Variants in TAFA5 observed in about 807,000 individuals in gnomAD.
The protein encoded by TAFA5 is chemokine-like protein TAFA-5.
Under a neutral mutation model 15.3 loss-of-function variants are expected in TAFA5, and 6 were observed. The ratio of observed to expected loss-of-function variants is 0.39; its 90% CI spans 0.21 to 0.77. The LOEUF is 0.77. TAFA5 is among the 30% of genes least tolerant of loss of function. The pLI is 0.41. For missense variants in TAFA5, 161 were observed against 193.1 expected, an observed-to-expected ratio of 0.83 and a Z score of 0.98; for synonymous variants, 103 against 80.7, an observed-to-expected ratio of 1.28 and a Z score of -1.48.
intron 1 of TAFA5, among the ~76,000 whole-genome samples, chr22:48,589,712 C>T (rs752031243): frequency 3.3e-5 from 5 of 151,476 alleles, no homozygotes; most frequent in African/African-American, 7.3e-5. Flanking sequence ...GAGGGGGCCT[C>T]GTGAAGATAG....
chr22:48,539,456 G>C (rs778000960), intron 1 of TAFA5: 1 of 471,200 alleles, frequency 2.1e-6, no homozygotes, highest in South Asian at 1.5e-5. Context: ...CATCTGTTCT[G>C]AAACAAAGAC....
chr22:48,595,375 A>G (rs886576371), intron 1 of TAFA5, among the ~76,000 whole-genome samples: 13 of 152,218 alleles, frequency 8.5e-5, no homozygotes, highest in Non-Finnish European at 1.6e-4. Context: ...CAAGGCTCCA[A>G]CAGGTGTTAG....
intron 1 of TAFA5, among the ~76,000 whole-genome samples, chr22:48,578,015 G>A (rs73425935): frequency 1.3e-5 from 2 of 152,356 alleles, no homozygotes; most frequent in South Asian, 2.1e-4. Context: ...CTGGTGTCGC[G>A]TGTCAGGACT....
chr22:48,687,707 C>T (rs1362270159), intron 2 of TAFA5, among the ~76,000 whole-genome samples: 1 of 152,136 alleles, frequency 6.6e-6, no homozygotes, highest in Non-Finnish European at 1.5e-5. Context: ...GATCCACAAC[C>T]AACAGCACCC....
intron 1 of TAFA5, among the ~76,000 whole-genome samples, chr22:48,614,502 C>T (rs1925526609): frequency 6.6e-6 from 1 of 152,318 alleles, no homozygotes; most frequent in East Asian, 1.9e-4. Context: ...TGTACCAACC[C>T]CTAAGTCCCG....
At position 48,536,013 on chromosome 22, in the gene TAFA5, A is replaced by C. The variant is rs60765024; in HGVS notation, c.112+46309A>C. ...GCTGCACAGGGGCACACACAGACAC[A>C]CCCCCCCCAGGAGTGCCCGTGTTGT... is the stretch of plus-strand genomic sequence containing the variant. On this transcript the variant is annotated intron_variant, in intron 1 of 3. Coordinates refer to ENST00000402357, the MANE Select transcript of TAFA5 (RefSeq NM_001082967.3). Among the ~76,000 whole-genome samples, 2,491 of 150,386 alleles carry C rather than the reference A, an allele frequency of 0.017. 122 individuals are homozygous for C. In the East Asian group the frequency reaches 0.18, roughly 11 times the overall value.
At chr22:48,675,112 T>C (rs537381238) in intron 2 of TAFA5, among the ~76,000 whole-genome samples, 1 of 152,246 alleles carries the variant, frequency 6.6e-6, no homozygotes, top group South Asian at 2.1e-4. Context: ...CGGCTAATTT[T>C]TGTATTTTTA....
intron 2 of TAFA5, among the ~76,000 whole-genome samples, chr22:48,688,158 A>C (rs1386256575): frequency 7.3e-5 from 11 of 151,474 alleles, no homozygotes. Flanking sequence ...AGGGTTTTGC[A>C]CTGGCGCACC....
At chr22:48,525,823 T>A (rs954332636) in intron 1 of TAFA5, among the ~76,000 whole-genome samples, 2 of 152,158 alleles carry the variant, frequency 1.3e-5, no homozygotes, top group African/African-American at 4.8e-5. Context: ...TCTCCCCATC[T>A]GTGGACGAGG....
chr22:48,504,425 G>T (rs1238728177), intron 1 of TAFA5, among the ~76,000 whole-genome samples: 1 of 152,226 alleles, frequency 6.6e-6, no homozygotes, highest in Non-Finnish European at 1.5e-5. Flanking sequence ...TCTTGGAGAG[G>T]GAGTCCTCTG....
intron 2 of TAFA5, among the ~76,000 whole-genome samples, chr22:48,654,602 C>G (rs1408992136): frequency 6.6e-6 from 1 of 152,256 alleles, no homozygotes; most frequent in African/African-American, 2.4e-5. Context: ...GCCCCTCTGC[C>G]AAGTGCAGGC....
chr22:48,608,559 G>T (rs1053624479), intron 1 of TAFA5, among the ~76,000 whole-genome samples: 4 of 152,150 alleles, frequency 2.6e-5, no homozygotes, highest in African/African-American at 9.7e-5. Context: ...CAGACATGCT[G>T]CGGTTTTCCC....
chr22:48,575,878 G>A (rs1203490505), intron 1 of TAFA5, among the ~76,000 whole-genome samples: 1 of 142,632 alleles, frequency 7.0e-6, no homozygotes, highest in East Asian at 2.1e-4. Context: ...CCGCGGCGGC[G>A]GTGGCGGCGG....
intron 1 of TAFA5, among the ~76,000 whole-genome samples, chr22:48,639,345 C>T (rs911106519): frequency 3.3e-5 from 5 of 152,240 alleles, no homozygotes; most frequent in African/African-American, 1.2e-4. Context: ...AGCTGACATT[C>T]GTGAATGGTA....
chr22:48,522,598 GA>G (rs1359913334), intron 1 of TAFA5, among the ~76,000 whole-genome samples: 1 of 152,196 alleles, frequency 6.6e-6, no homozygotes, highest in African/African-American at 2.4e-5. Flanking sequence ...GAGGCAACCT[GA>G]AGCCCTCCCC....
chr22:48,625,579 C>G (rs1425563039), intron 1 of TAFA5, among the ~76,000 whole-genome samples: 2 of 152,240 alleles, frequency 1.3e-5, no homozygotes, highest in Non-Finnish European at 2.9e-5. Flanking sequence ...TCACCCCTTT[C>G]CAGAATCACA....
At chr22:48,559,273 G>A (rs1026814086) in intron 1 of TAFA5, among the ~76,000 whole-genome samples, 16 of 152,356 alleles carry the variant, frequency 1.1e-4, no homozygotes, top group African/African-American at 2.2e-4. Flanking sequence ...GACCCATGGC[G>A]GTCGGGGCTG....
intron 2 of TAFA5, among the ~76,000 whole-genome samples, chr22:48,662,633 C>G (rs1314136982): frequency 6.6e-6 from 1 of 152,148 alleles, no homozygotes; most frequent in Admixed American, 6.5e-5. Context: ...ATCTGTTCTG[C>G]CCCCCGGCTG....
In TAFA5 at chr22:48,625,669, TA is replaced by T. The variant is rs578175044; in HGVS notation, c.113-20924del. On this transcript the variant is annotated intron_variant, in intron 1 of 3. Coordinates refer to ENST00000402357, the MANE Select transcript of TAFA5 (RefSeq NM_001082967.3). ...CAACACAGATGCTCCTAACGCCAGATAAAAGTCCTGCCTGGAATGCCCAACC... is the reference window on the plus strand; with the variant it reads ...CAACACAGATGCTCCTAACGCCAGATAAAGTCCTGCCTGGAATGCCCAACC... Among the ~76,000 whole-genome samples the T allele has an allele frequency of 1.6e-4, 24 of 152,294 alleles. No homozygotes were observed. In the East Asian group the frequency reaches 4.4e-3, roughly 28 times the overall value.
Sources: gnomAD v4.1 joint callset for allele counts (sites outside exome capture counted in the v4.1 genomes callset) on GRCh38, gnomAD v4.1.1 for gene constraint, MANE v1.5 for transcripts, NCBI Gene and HGNC (gene_info 2026-07-23, HGNC 2026-07-21) for gene names.